RPH3A: variants seen among roughly 807,000 people sequenced by gnomAD.
RPH3A encodes rabphilin-3A.
In RPH3A, 48 loss-of-function variants were observed where a neutral mutation model predicts 102.2. The observed-to-expected ratio is 0.47, with a 90% CI of 0.37 to 0.60. The LOEUF is 0.60. Ranked by LOEUF, RPH3A falls within the 20% of genes least tolerant of loss-of-function variation. The probability of loss-of-function intolerance (pLI) is 0.00; values close to 1 mark genes in which losing one functional copy is unlikely to be tolerated. For synonymous variants in RPH3A, 310 were observed against 324.3 expected, an observed-to-expected ratio of 0.96 and a Z score of 0.47; for missense variants, 781 against 910.1, an observed-to-expected ratio of 0.86 and a Z score of 1.83.
Position 112,747,873 on chromosome 12 carries a change from G to A in RPH3A, c.-139-44270G>A, listed in dbSNP as rs141628205. Among the ~76,000 whole-genome samples, 54 of 152,298 alleles carry A rather than the reference G, an allele frequency of 3.5e-4. 1 individual carries two copies. In the East Asian group the frequency reaches 5.0e-3, roughly 14 times the overall value. The stretch of plus-strand genomic sequence containing the variant: ...TACAGTTATTCATGGACCCATTAGC[G>A]TGGACTGACAGCAGCTCTTCCATCC... On this transcript the variant is annotated intron_variant, in intron 1 of 21. Coordinates refer to the RPH3A transcript ENST00000543106.
At chr12:112,610,694 T>A (rs1005390613) in intron 1 of RPH3A, among the ~76,000 whole-genome samples, 1 of 152,028 alleles carries the variant, frequency 6.6e-6, no homozygotes, top group African/African-American at 2.4e-5. Context: ...TGCAGTGGCA[T>A]GATCTTGGCT....
intron 17 of RPH3A, among the ~76,000 whole-genome samples, chr12:112,888,251 AC>A (rs1274762531): frequency 6.6e-6 from 1 of 152,242 alleles, no homozygotes; most frequent in Admixed American, 6.5e-5. Flanking sequence ...AAGGGGCTGA[AC>A]CACTCCGAGC....
intron 1 of RPH3A, among the ~76,000 whole-genome samples, chr12:112,771,499 C>G (rs2040927353): frequency 1.3e-5 from 2 of 152,186 alleles, no homozygotes; most frequent in African/African-American, 2.4e-5. Flanking sequence ...TCTTATGTCA[C>G]TACAAACAAT....
At chr12:112,700,451 A>G (rs140268663) in intron 1 of RPH3A, among the ~76,000 whole-genome samples, 426 of 152,064 alleles carry the variant, frequency 2.8e-3, no homozygotes, top group Non-Finnish European at 4.5e-3. Flanking sequence ...TAAGTCGGAA[A>G]CTCCTCCTAT....
chr12:112,630,152 CCATCCATCCATCCATCCAT>C (rs1180248166), intron 1 of RPH3A, among the ~76,000 whole-genome samples: 1 of 151,766 alleles, frequency 6.6e-6, no homozygotes, highest in African/African-American at 2.4e-5. Flanking sequence ...ACCCACCCAC[CCATCCATCCATCCATCCAT>C]CATCCATCCA....
At chr12:112,887,037 C>T (rs1025622870) in intron 16 of RPH3A, among the ~76,000 whole-genome samples, 6 of 152,154 alleles carry the variant, frequency 3.9e-5, no homozygotes, top group Admixed American at 3.9e-4. Context: ...TGACCAGAAC[C>T]TTTATAAACT....
intron 2 of RPH3A, among the ~76,000 whole-genome samples, chr12:112,805,677 C>T (rs11066421): frequency 1.3e-3 from 195 of 152,310 alleles, no homozygotes; most frequent in African/African-American, 4.5e-3. Context: ...TGCTCGTTGA[C>T]AGCCAAATGC....
In RPH3A at chr12:112,771,135, C is replaced by T. The variant is rs866519015; in HGVS notation, c.-139-21008C>T. On this transcript the variant is annotated intron_variant, in intron 1 of 21. Transcript: ENST00000543106. Reference sequence around the variant, plus strand: ...TAGAGACACTGTCTACTTCCAGTCTCGTATGTGTCCTGTTGCCTATTTAAG... The same window carrying T: ...TAGAGACACTGTCTACTTCCAGTCTTGTATGTGTCCTGTTGCCTATTTAAG... Among the ~76,000 whole-genome samples, 10 of 152,160 alleles carry T rather than the reference C, an allele frequency of 6.6e-5. No individual in the cohort carries two copies. In the East Asian group the frequency reaches 1.3e-3, roughly 20 times the overall value.
rs1489989482 is a variant in RPH3A, at chr12:112,891,011, A to C, written c.1775+8A>C. 1.9e-6 allele frequency: 3 copies of C among 1,614,086 alleles called. No homozygotes were observed. Among genetic ancestry groups the C allele is most frequent in the Non-Finnish European group, 2.5e-6 (3 of 1,179,980 alleles). ...AGACCCATTCGTCAAGCTGTAAGTC[A>C]ATGCCTTGGGGCTACAGGTGGGCCC... is the stretch of plus-strand genomic sequence containing the variant. On this transcript the variant is annotated splice_region_variant and intron_variant, in intron 19 of 21. Transcript: ENST00000389385.
At chr12:112,767,751 A>G (rs2136070688) in intron 1 of RPH3A, among the ~76,000 whole-genome samples, 1 of 152,332 alleles carries the variant, frequency 6.6e-6, no homozygotes, top group Middle Eastern at 3.4e-3. Context: ...TTTGGTGGGA[A>G]TTTAAGAAGA....
intron 1 of RPH3A, among the ~76,000 whole-genome samples, chr12:112,755,479 C>A (rs189925654): frequency 1.3e-5 from 2 of 152,302 alleles, no homozygotes; most frequent in East Asian, 3.9e-4. Context: ...GTGTTCTTTG[C>A]ACCTTGACTT....
intron 1 of RPH3A, among the ~76,000 whole-genome samples, chr12:112,774,041 C>T (rs868224261): frequency 1.8e-4 from 24 of 129,836 alleles, no homozygotes; most frequent in Admixed American, 6.8e-4. Flanking sequence ...GCCGAGATCA[C>T]GCCACTGCAC....
chr12:112,677,458 CTT>C (rs1259918581), intron 1 of RPH3A, among the ~76,000 whole-genome samples: 19 of 136,328 alleles, frequency 1.4e-4, no homozygotes, highest in Admixed American at 8.2e-4. Flanking sequence ...TCCTTCCTTC[CTT>C]CCTTCCTTCC....
chr12:112,873,351 A>G (rs1731237384), intron 10 of RPH3A, among the ~76,000 whole-genome samples: 1 of 152,264 alleles, frequency 6.6e-6, no homozygotes, highest in Non-Finnish European at 1.5e-5. Context: ...TAACCCAGGC[A>G]GTTCACGTGC....
chr12:112,675,217 T>C (rs190028778), intron 1 of RPH3A, among the ~76,000 whole-genome samples: 3 of 152,328 alleles, frequency 2.0e-5, no homozygotes, highest in Non-Finnish European at 4.4e-5. Flanking sequence ...TCTGATGACT[T>C]ATCCCTAGCA....
chr12:112,645,533 T>C (rs907164568), intron 1 of RPH3A, among the ~76,000 whole-genome samples: 1 of 152,200 alleles, frequency 6.6e-6, no homozygotes, highest in African/African-American at 2.4e-5. Flanking sequence ...AAAAAAATTC[T>C]GCAAGCAGTG....
chr12:112,589,756 G>A (rs565610447), intron 1 of RPH3A, among the ~76,000 whole-genome samples: 2 of 152,308 alleles, frequency 1.3e-5, no homozygotes, highest in African/African-American at 4.8e-5. Context: ...TCCCTGGTAA[G>A]TGGAACACAG....
Position 112,849,299 on chromosome 12 carries a change from G to A in RPH3A, c.230+1457G>A, listed in dbSNP as rs571718195. Among the ~76,000 whole-genome samples the A allele has an allele frequency of 1.9e-3, 288 of 152,268 alleles. 4 individuals are homozygous for A. The highest frequency in any genetic ancestry group is 6.6e-3 in the African/African-American group (276 of 41,540). On this transcript the variant is annotated intron_variant, in intron 5 of 21. Transcript: ENST00000389385. ...CACTTGGCCCTCTGTCAGCCTCCTCGGGTGGTCACGGAGGGGATAGGTCTG... is the reference window on the plus strand; with the variant it reads ...CACTTGGCCCTCTGTCAGCCTCCTCAGGTGGTCACGGAGGGGATAGGTCTG...
chr12:112,647,005 G>A (rs2039936587), intron 1 of RPH3A, among the ~76,000 whole-genome samples: 1 of 152,196 alleles, frequency 6.6e-6, no homozygotes, highest in African/African-American at 2.4e-5. Context: ...TCTAAAGTGT[G>A]AATTTAGCCA....
Sources: allele counts gnomAD v4.1 joint callset (sites outside exome capture counted in the v4.1 genomes callset), GRCh38; gene constraint gnomAD v4.1.1; transcripts MANE v1.5; gene names NCBI Gene and HGNC (gene_info 2026-07-23, HGNC 2026-07-21).